PDZRN4: variants seen among roughly 807,000 people sequenced by gnomAD.
PDZRN4 encodes PDZ domain-containing RING finger protein 4.
PDZRN4 carries 70 observed loss-of-function variants against 99.0 expected under a neutral mutation model. That is an observed-to-expected ratio of 0.71 (90% CI 0.58 to 0.86). The LOEUF (loss-of-function observed/expected upper bound fraction) is 0.86. Among genes scored for constraint, PDZRN4 ranks in the 40% least tolerant of loss-of-function variants. The probability of loss-of-function intolerance (pLI) is 0.00; values close to 1 mark genes in which losing one functional copy is unlikely to be tolerated. For missense variants in PDZRN4, 1,474 were observed against 1,331.2 expected (o/e 1.11, Z -1.67); for synonymous variants, 551 against 501.6 (o/e 1.10, Z -1.32).
intron 3 of PDZRN4, among the ~76,000 whole-genome samples, chr12:41,356,235 A>G (rs1024672372): frequency 1.3e-5 from 2 of 152,064 alleles, no homozygotes; most frequent in Non-Finnish European, 2.9e-5. Context: ...GAATCATAAG[A>G]ATATTTTTAA....
chr12:41,474,469 A>G (rs1309122696), intron 3 of PDZRN4, among the ~76,000 whole-genome samples: 1 of 152,236 alleles, frequency 6.6e-6, no homozygotes, highest in Non-Finnish European at 1.5e-5. Context: ...TGTTAGAGCT[A>G]AATGAAGTAC....
chr12:41,441,063 A>G (rs1254599177), intron 3 of PDZRN4, among the ~76,000 whole-genome samples: 1 of 152,102 alleles, frequency 6.6e-6, no homozygotes, highest in Non-Finnish European at 1.5e-5. Context: ...ATCCAGTGTA[A>G]CTTTTTGATT....
intron 3 of PDZRN4, among the ~76,000 whole-genome samples, chr12:41,235,493 C>A (rs1286220218): frequency 1.3e-5 from 2 of 152,134 alleles, no homozygotes; most frequent in Non-Finnish European, 2.9e-5. Flanking sequence ...AGACTTCACC[C>A]ATGAAGGATC....
At chr12:41,231,369 G>A (rs1422611245) in intron 3 of PDZRN4, among the ~76,000 whole-genome samples, 8 of 151,932 alleles carry the variant, frequency 5.3e-5, no homozygotes, top group African/African-American at 1.9e-4. Flanking sequence ...CTAATTTTCC[G>A]GTAACATCAT....
chr12:41,383,316 C>T (rs1952140228), intron 3 of PDZRN4, among the ~76,000 whole-genome samples: 1 of 152,164 alleles, frequency 6.6e-6, no homozygotes, highest in Non-Finnish European at 1.5e-5. Flanking sequence ...TGTGGAGGCA[C>T]TCTGAGAGAA....
intron 3 of PDZRN4, among the ~76,000 whole-genome samples, chr12:41,277,322 G>A (rs1282189918): frequency 3.3e-5 from 5 of 151,888 alleles, no homozygotes; most frequent in Admixed American, 3.3e-4. Flanking sequence ...TAATTTATAG[G>A]GCCAACGATA....
chr12:41,480,103 G>A (rs950306711), intron 3 of PDZRN4, among the ~76,000 whole-genome samples: 1 of 152,028 alleles, frequency 6.6e-6, no homozygotes, highest in Non-Finnish European at 1.5e-5. Flanking sequence ...AAAAGTTCAT[G>A]GGCATGATTT....
At chr12:41,297,936 C>T (rs996069585) in intron 3 of PDZRN4, among the ~76,000 whole-genome samples, 1 of 152,096 alleles carries the variant, frequency 6.6e-6, no homozygotes, top group African/African-American at 2.4e-5. Flanking sequence ...TTCTAAGCAA[C>T]CTAGAGAATC....
intron 3 of PDZRN4, among the ~76,000 whole-genome samples, chr12:41,407,752 T>C (rs1395923185): frequency 6.6e-6 from 1 of 152,152 alleles, no homozygotes; most frequent in East Asian, 1.9e-4. Context: ...AAGCATTTGC[T>C]AGACTGTTAA....
rs1592008649 is a variant in PDZRN4 at position 41,315,216 on chromosome 12, T to C, written c.843+121028T>C. On this transcript the variant is annotated intron_variant, in intron 3 of 9. Coordinates refer to ENST00000402685, the MANE Select transcript of PDZRN4 (RefSeq NM_001164595.2). ...GAAATGACATTTTATGAACTCTACT[T>C]GTCCTTGTTCTTATGCATGCCTACT... Among the ~76,000 whole-genome samples, 4 of 152,326 alleles carry C rather than the reference T, an allele frequency of 2.6e-5. No homozygotes were observed. The South Asian group carries it at 8.3e-4, about 32-fold the overall frequency.
At chr12:41,538,215 A>G (rs1413864865) in intron 5 of PDZRN4, among the ~76,000 whole-genome samples, 1 of 152,178 alleles carries the variant, frequency 6.6e-6, no homozygotes, top group Non-Finnish European at 1.5e-5. Context: ...AAAAGTAACC[A>G]TCTTGATAAT....
At chr12:41,556,664 C>A (rs907304736) in intron 7 of PDZRN4, among the ~76,000 whole-genome samples, 13 of 152,094 alleles carry the variant, frequency 8.5e-5, no homozygotes, top group Admixed American at 5.9e-4. Context: ...TGTTTTATTC[C>A]CCACATGGAA....
chr12:41,390,105 A>G (rs1952199331), intron 3 of PDZRN4, among the ~76,000 whole-genome samples: 1 of 152,118 alleles, frequency 6.6e-6, no homozygotes, highest in South Asian at 2.1e-4. Context: ...AACCCTTTTT[A>G]CAGTTGAGGG....
At chr12:41,194,791 CTTGA>C (rs1186208401) in intron 3 of PDZRN4, among the ~76,000 whole-genome samples, 1 of 152,226 alleles carries the variant, frequency 6.6e-6, no homozygotes, top group East Asian at 1.9e-4. Flanking sequence ...ATGTCACTTG[CTTGA>C]TTATTAAAGG....
At chr12:41,497,355 T>C (rs1938026851) in intron 3 of PDZRN4, among the ~76,000 whole-genome samples, 1 of 152,156 alleles carries the variant, frequency 6.6e-6, no homozygotes. Context: ...ATATGCCTTA[T>C]GCCTTTATAT....
chr12:41,534,798 A>G lies in PDZRN4; in HGVS notation c.1204-17858A>G, dbSNP rs1938722327. On this transcript the variant is annotated intron_variant, in intron 5 of 9. Transcript: ENST00000402685. ...TCCACCATGTATTTACTGATCCATA[A>G]TATAAATACAATACATAGTGAAGAA... Among the ~76,000 whole-genome samples, 3 of 152,328 alleles carry G rather than the reference A, an allele frequency of 2.0e-5. No individual in the cohort carries two copies. In the South Asian group the frequency reaches 6.2e-4, roughly 32 times the overall value.
intron 3 of PDZRN4, among the ~76,000 whole-genome samples, chr12:41,297,603 A>G (rs538682777): frequency 6.6e-6 from 1 of 152,322 alleles, no homozygotes; most frequent in East Asian, 1.9e-4. Flanking sequence ...TAGGACATTG[A>G]AAAATGGTTC....
chr12:41,331,076 G>T (rs557921614), intron 3 of PDZRN4, among the ~76,000 whole-genome samples: 2 of 152,038 alleles, frequency 1.3e-5, no homozygotes, highest in South Asian at 4.1e-4. Flanking sequence ...GACTAACATC[G>T]CAAATTGCAA....
intron 3 of PDZRN4, among the ~76,000 whole-genome samples, chr12:41,367,039 G>C (rs1952005631): frequency 1.3e-5 from 2 of 151,996 alleles, no homozygotes; most frequent in South Asian, 4.1e-4. Context: ...CCCTAGACTA[G>C]GGGGCATGCA....
Sources: allele counts gnomAD v4.1 joint callset (sites outside exome capture counted in the v4.1 genomes callset), GRCh38; gene constraint gnomAD v4.1.1; transcripts MANE v1.5; gene names NCBI Gene and HGNC (gene_info 2026-07-23, HGNC 2026-07-21).